DNER: variants seen among roughly 807,000 people sequenced by gnomAD.
The protein encoded by DNER is delta/notch like EGF repeat containing.
A neutral mutation model predicts 78.2 loss-of-function variants in DNER; 33 were observed. That is an observed-to-expected ratio of 0.42 (90% CI 0.32 to 0.56). The LOEUF (loss-of-function observed/expected upper bound fraction) is 0.56, where lower values mean the gene tolerates loss of function less well. Among genes scored for constraint, DNER ranks in the 20% least tolerant of loss-of-function variants. The probability of loss-of-function intolerance (pLI) is 0.11; values close to 1 mark genes in which losing one functional copy is unlikely to be tolerated. For synonymous variants in DNER, 417 were observed against 384.8 expected (o/e 1.08, Z -0.98); for missense variants, 918 against 975.3 (o/e 0.94, Z 0.78).
intron 1 of DNER, among the ~76,000 whole-genome samples, chr2:229,641,122 C>T (rs1574939843): frequency 6.6e-6 from 1 of 152,122 alleles, no homozygotes; most frequent in Non-Finnish European, 1.5e-5. Flanking sequence ...CTGGAGGATG[C>T]ATGGTAATGG....
chr2:229,586,803 T>G (rs1697511942), intron 3 of DNER: 20 of 985,694 alleles, frequency 2.0e-5, no homozygotes, highest in Non-Finnish European at 2.4e-5. Flanking sequence ...CTGCCCATTC[T>G]CCCCAGTGCT....
Position 229,569,914 on chromosome 2 carries a change from A to T in DNER, c.847+15944T>A, listed in dbSNP as rs78299391. Among the ~76,000 whole-genome samples, 544 of 152,300 alleles carry T rather than the reference A, an allele frequency of 3.6e-3. 4 individuals carry two copies. The highest frequency in any genetic ancestry group is 0.024 in the East Asian group (123 of 5,166). On this transcript the variant is annotated intron_variant, in intron 4 of 12. Coordinates refer to ENST00000341772, the MANE Select transcript of DNER (RefSeq NM_139072.4). Reference sequence around the variant, plus strand: ...GCATCTCCACAATGTATTCTACGAAATATGATCAGATGCACAAAATCTAAA... The same window carrying T: ...GCATCTCCACAATGTATTCTACGAATTATGATCAGATGCACAAAATCTAAA...
At chr2:229,629,631 G>A (rs1244712246) in intron 1 of DNER, among the ~76,000 whole-genome samples, 4 of 152,116 alleles carry the variant, frequency 2.6e-5, no homozygotes, top group African/African-American at 9.7e-5. Flanking sequence ...AAATGAAAAT[G>A]TTCTTATTAC....
intron 1 of DNER, among the ~76,000 whole-genome samples, chr2:229,627,499 C>T (rs1698365252): frequency 6.6e-6 from 1 of 152,108 alleles, no homozygotes; most frequent in African/African-American, 2.4e-5. Flanking sequence ...CAGAAGAAAA[C>T]AATTTTTAAA....
At chr2:229,508,514 A>G (rs1358012276) in intron 6 of DNER, among the ~76,000 whole-genome samples, 1 of 152,248 alleles carries the variant, frequency 6.6e-6, no homozygotes, top group Non-Finnish European at 1.5e-5. Context: ...ATCATGCATG[A>G]TACCATTTTT....
At chr2:229,594,600 A>AAAAT in intron 1 of DNER, among the ~76,000 whole-genome samples, 1 of 28,260 alleles carries the variant, frequency 3.5e-5, no homozygotes, top group African/African-American at 5.7e-5. Flanking sequence ...AAAAAAAAAC[A>AAAAT]AAACAAACAA....
chr2:229,539,960 T>TCCTCCAGAGCCTA (rs1411193182), intron 5 of DNER, among the ~76,000 whole-genome samples: 1 of 152,230 alleles, frequency 6.6e-6, no homozygotes, highest in Non-Finnish European at 1.5e-5. Context: ...TAGACCAGTA[T>TCCTCCAGAGCCTA]GTATCCTCCA....
In DNER at chr2:229,714,129, G is replaced by T. The variant is rs1305552919; in HGVS notation, c.276+19C>A. 3.9e-6 allele frequency: 5 copies of T among 1,291,902 alleles called. No individual in the cohort carries two copies. The highest frequency in any genetic ancestry group is 4.9e-6 in the Non-Finnish European group (5 of 1,019,488). 80.0% of individuals were successfully genotyped at this position (1,291,902 alleles called of 1,614,324 possible). The stretch of plus-strand genomic sequence containing the variant: ...GTCCCGGACCAGCGCCCCGCACCGC[G>T]CCCGCCGCTTCCACTCACCTGGCAG... On this transcript the variant is annotated intron_variant, in intron 1 of 12. Coordinates refer to ENST00000341772, the MANE Select transcript of DNER (RefSeq NM_139072.4).
intron 1 of DNER, among the ~76,000 whole-genome samples, chr2:229,652,617 C>T (rs1698839835): frequency 6.6e-6 from 1 of 152,156 alleles, no homozygotes; most frequent in Non-Finnish European, 1.5e-5. Flanking sequence ...CTGCTCTCCC[C>T]CAGTGTCCAC....
At chr2:229,601,798 A>C (rs548966486) in intron 1 of DNER, among the ~76,000 whole-genome samples, 1 of 152,288 alleles carries the variant, frequency 6.6e-6, no homozygotes, top group South Asian at 2.1e-4. Flanking sequence ...TAATTGCTTT[A>C]GTCTGATTAA....
intron 6 of DNER, among the ~76,000 whole-genome samples, chr2:229,479,140 T>C (rs954131802): frequency 6.6e-6 from 1 of 152,198 alleles, no homozygotes; most frequent in Non-Finnish European, 1.5e-5. Context: ...GCAAAGGACA[T>C]GATCGCATTC....
chr2:229,529,825 T>C (rs1696268665), intron 5 of DNER, among the ~76,000 whole-genome samples: 1 of 152,078 alleles, frequency 6.6e-6, no homozygotes, highest in African/African-American at 2.4e-5. Context: ...CTGGGCAACA[T>C]AGGGATACCC....
At chr2:229,697,395 G>C (rs975334319) in intron 1 of DNER, among the ~76,000 whole-genome samples, 3 of 152,140 alleles carry the variant, frequency 2.0e-5, no homozygotes, top group Non-Finnish European at 4.4e-5. Context: ...TTTCCTTTTG[G>C]GATGGCAAAC....
intron 1 of DNER, among the ~76,000 whole-genome samples, chr2:229,625,126 A>T (rs772689352): frequency 6.6e-5 from 10 of 152,228 alleles, no homozygotes; most frequent in Non-Finnish European, 1.2e-4. Context: ...CCTAAGCCCA[A>T]GGCTAAATAG....
At chr2:229,586,824 A>T (rs1423673595) in intron 3 of DNER, 1 of 985,736 alleles carries the variant, frequency 1.0e-6, no homozygotes, top group Admixed American at 6.1e-5. Context: ...CCTGGAGAAG[A>T]TCACAGTAGA....
chr2:229,581,858 T>G (rs1697402329), intron 4 of DNER, among the ~76,000 whole-genome samples: 1 of 151,922 alleles, frequency 6.6e-6, no homozygotes, highest in Admixed American at 6.5e-5. Context: ...GGAAAATACC[T>G]TTGGTCATCA....
intron 2 of DNER, among the ~76,000 whole-genome samples, chr2:229,589,409 T>C (rs186914589): frequency 5.3e-5 from 8 of 152,346 alleles, no homozygotes; most frequent in Admixed American, 5.2e-4. Flanking sequence ...CTTGTTAAAT[T>C]TGTATGACAG....
intron 1 of DNER, among the ~76,000 whole-genome samples, chr2:229,673,990 T>C (rs1442897879): frequency 6.6e-6 from 1 of 152,210 alleles, no homozygotes; most frequent in African/African-American, 2.4e-5. Flanking sequence ...TCCTTGCAGG[T>C]CACTGCACAC....
chr2:229,393,085 T>C (rs1389536773), intron 10 of DNER, among the ~76,000 whole-genome samples: 4 of 152,074 alleles, frequency 2.6e-5, no homozygotes, highest in African/African-American at 9.7e-5. Context: ...ACAAGCCCAA[T>C]GGAACTTTTA....
Sources: allele counts gnomAD v4.1 joint callset (sites outside exome capture counted in the v4.1 genomes callset), GRCh38; gene constraint gnomAD v4.1.1; transcripts MANE v1.5; gene names NCBI Gene and HGNC (gene_info 2026-07-23, HGNC 2026-07-21).